Variants in RBFOX1 observed in about 807,000 individuals in gnomAD.
The protein encoded by RBFOX1 is RNA binding protein fox-1 homolog 1.
In RBFOX1, 8 loss-of-function variants were observed where a neutral mutation model predicts 57.7. The ratio of observed to expected loss-of-function variants is 0.14; its 90% CI spans 0.08 to 0.25. The LOEUF (loss-of-function observed/expected upper bound fraction) is 0.25. RBFOX1 is among the 10% of genes least tolerant of loss of function. RBFOX1 has a pLI of 1.00. For synonymous variants in RBFOX1, 326 were observed against 222.4 expected, an observed-to-expected ratio of 1.47 and a Z score of -4.15; for missense variants, 611 against 548.5, an observed-to-expected ratio of 1.11 and a Z score of -1.14.
At chr16:5,897,969 G>T (rs2058208420) in intron 4 of RBFOX1, among the ~76,000 whole-genome samples, 1 of 151,470 alleles carries the variant, frequency 6.6e-6, no homozygotes, top group East Asian at 2.0e-4. Context: ...GTATTGGTTT[G>T]CTCTCAGGCT....
chr16:6,456,117 C>G (rs1050489275), intron 2 of RBFOX1, among the ~76,000 whole-genome samples: 1 of 152,114 alleles, frequency 6.6e-6, no homozygotes, highest in Non-Finnish European at 1.5e-5. Flanking sequence ...TTATTTAGCA[C>G]CTACTCTGTT....
intron 2 of RBFOX1, among the ~76,000 whole-genome samples, chr16:6,412,323 T>C (rs1443433610): frequency 6.6e-6 from 1 of 152,180 alleles, no homozygotes. Flanking sequence ...CTCTTTCTGA[T>C]AATATAATGC....
In RBFOX1 at chr16:5,927,866, C is replaced by T. The variant is rs112597008; in HGVS notation, c.351+60531C>T. Among the ~76,000 whole-genome samples, 1,333 of 152,150 alleles carry T rather than the reference C, an allele frequency of 8.8e-3. 24 individuals are homozygous for T. The highest frequency in any genetic ancestry group is 0.03 in the African/African-American group (1,258 of 41,530). ...TAGGCACAGAAACACAAATATTACA[C>T]GATCCCACTTGTAAATGGAATCTAA... On this transcript the variant is annotated intron_variant, in intron 4 of 19. Coordinates refer to the RBFOX1 transcript ENST00000641259.
intron 4 of RBFOX1, among the ~76,000 whole-genome samples, chr16:7,155,799 A>T (rs1037203042): frequency 6.7e-6 from 1 of 148,838 alleles, no homozygotes; most frequent in African/African-American, 2.5e-5. Flanking sequence ...TCATTCAGCT[A>T]TTCTAATATT....
intron 4 of RBFOX1, among the ~76,000 whole-genome samples, chr16:5,931,476 G>C (rs906309081): frequency 1.2e-4 from 19 of 152,132 alleles, no homozygotes; most frequent in African/African-American, 4.6e-4. Flanking sequence ...CAGAGAAGGA[G>C]AGTGGTTTCC....
chr16:6,453,106 C>T (rs1008008118), intron 2 of RBFOX1, among the ~76,000 whole-genome samples: 4 of 152,104 alleles, frequency 2.6e-5, no homozygotes, highest in Non-Finnish European at 5.9e-5. Flanking sequence ...AAGCCCCTGA[C>T]TTTCTTTTTT....
rs181624798 is a variant in RBFOX1, at chr16:7,690,042, C to G, written c.995+13204C>G. The stretch of plus-strand genomic sequence containing the variant: ...GGAAGAGATTCAGTGATTCAACTCC[C>G]TTGAATCCCTTCCTTGAATCCACTT... On this transcript the variant is annotated intron_variant, in intron 14 of 15. Transcript: ENST00000550418. 2.6e-5 allele frequency among the ~76,000 whole-genome samples: 4 copies of G among 152,202 alleles called. No homozygotes were observed. The East Asian group carries it at 7.8e-4, about 29-fold the overall frequency.
At chr16:6,477,471 T>C (rs2095291757) in intron 2 of RBFOX1, among the ~76,000 whole-genome samples, 1 of 152,178 alleles carries the variant, frequency 6.6e-6, no homozygotes, top group Non-Finnish European at 1.5e-5. Flanking sequence ...AGCAGTAATA[T>C]TTTTAAAGGA....
chr16:7,470,647 G>A (rs1050481714), intron 4 of RBFOX1, among the ~76,000 whole-genome samples: 2 of 152,090 alleles, frequency 1.3e-5, no homozygotes, highest in African/African-American at 4.8e-5. Context: ...TGAGTGGATA[G>A]ACGGATGAGT....
intron 2 of RBFOX1, among the ~76,000 whole-genome samples, chr16:5,593,403 A>G (rs1417640814): frequency 1.3e-5 from 2 of 152,192 alleles, no homozygotes; most frequent in South Asian, 2.1e-4. Flanking sequence ...TGATGGGTTG[A>G]TGGGTGCAGC....
chr16:7,619,204 G>C (rs1345716062), intron 10 of RBFOX1, among the ~76,000 whole-genome samples: 1 of 151,880 alleles, frequency 6.6e-6, no homozygotes, highest in Non-Finnish European at 1.5e-5. Flanking sequence ...CAATATCACT[G>C]ATATTTCCTC....
chr16:6,915,213 T>G (rs1475229855), intron 3 of RBFOX1, among the ~76,000 whole-genome samples: 2 of 152,158 alleles, frequency 1.3e-5, no homozygotes, highest in Non-Finnish European at 2.9e-5. Context: ...CACTCCCTTG[T>G]TCTCCTAGCA....
At chr16:7,085,532 G>T (rs1006309688) in intron 4 of RBFOX1, among the ~76,000 whole-genome samples, 1 of 152,134 alleles carries the variant, frequency 6.6e-6, no homozygotes, top group South Asian at 2.1e-4. Context: ...TGCCTCCACA[G>T]AGATAGATAC....
At chr16:6,836,627 C>G (rs74662442) in intron 3 of RBFOX1, among the ~76,000 whole-genome samples, 2 of 152,164 alleles carry the variant, frequency 1.3e-5, no homozygotes, top group East Asian at 1.9e-4. Context: ...CTGTGAAGGT[C>G]TTACGGACTT....
intron 4 of RBFOX1, among the ~76,000 whole-genome samples, chr16:7,497,892 T>C (rs1238189296): frequency 6.6e-6 from 1 of 152,214 alleles, no homozygotes; most frequent in Admixed American, 6.5e-5. Context: ...CTGTAGGCTA[T>C]TTGTAGAGAG....
At chr16:6,680,118 G>C (rs1395227335) in intron 3 of RBFOX1, among the ~76,000 whole-genome samples, 1 of 151,882 alleles carries the variant, frequency 6.6e-6, no homozygotes, top group Admixed American at 6.6e-5. Context: ...TCTGTAAAAT[G>C]GGGTCATAGA....
At chr16:7,342,724 A>T (rs1026990503) in intron 4 of RBFOX1, among the ~76,000 whole-genome samples, 1 of 151,924 alleles carries the variant, frequency 6.6e-6, no homozygotes, top group African/African-American at 2.4e-5. Context: ...ATGGAGTTTG[A>T]CATCTTGGCT....
intron 3 of RBFOX1, among the ~76,000 whole-genome samples, chr16:6,854,528 C>T (rs1051396461): frequency 7.3e-5 from 11 of 151,260 alleles, no homozygotes; most frequent in African/African-American, 2.7e-4. Context: ...CCTGTTTTGC[C>T]TGGCCAACGA....
At chr16:6,496,875 G>T (rs576125716) in intron 2 of RBFOX1, among the ~76,000 whole-genome samples, 1 of 152,212 alleles carries the variant, frequency 6.6e-6, no homozygotes, top group Non-Finnish European at 1.5e-5. Flanking sequence ...CAGGAGAGTC[G>T]CTTGAACCCA....
Sources: gnomAD v4.1 joint callset for allele counts (sites outside exome capture counted in the v4.1 genomes callset) on GRCh38, gnomAD v4.1.1 for gene constraint, MANE v1.5 for transcripts, NCBI Gene and HGNC (gene_info 2026-07-23, HGNC 2026-07-21) for gene names.